GRM7: variants seen among roughly 807,000 people sequenced by gnomAD.
The protein encoded by GRM7 is metabotropic glutamate receptor 7.
Under a neutral mutation model 84.5 loss-of-function variants are expected in GRM7, and 35 were observed. That is an observed-to-expected ratio of 0.41 (90% CI 0.32 to 0.55). The LOEUF (loss-of-function observed/expected upper bound fraction) is 0.55, where lower values mean the gene tolerates loss of function less well. Ranked by LOEUF, GRM7 falls within the 20% of genes least tolerant of loss-of-function variation. The pLI is 0.19. For synonymous variants in GRM7, 487 were observed against 455.1 expected, an observed-to-expected ratio of 1.07 and a Z score of -0.89; for missense variants, 1,003 against 1,194.6, an observed-to-expected ratio of 0.84 and a Z score of 2.36.
chr3:7,421,154 T>G (rs563247144), intron 5 of GRM7, among the ~76,000 whole-genome samples: 1 of 152,216 alleles, frequency 6.6e-6, no homozygotes, highest in Non-Finnish European at 1.5e-5. Flanking sequence ...AAAGTTTATC[T>G]TCTTGTATTA....
At chr3:7,146,361 A>T in intron 1 of GRM7, 91 bp from the exon 2 acceptor site, 1 of 1,008,484 alleles carries the variant, frequency 9.9e-7, no homozygotes, top group Non-Finnish European at 1.6e-6. Flanking sequence ...TGCAGCTCAA[A>T]CCCTGTATTT....
chr3:7,540,057 T>A (rs1388418644), intron 7 of GRM7, among the ~76,000 whole-genome samples: 1 of 152,238 alleles, frequency 6.6e-6, no homozygotes, highest in Non-Finnish European at 1.5e-5. Context: ...AAGATCATGT[T>A]TTTAATCAAA....
chr3:7,459,673 C>T (rs1045124943), intron 6 of GRM7, among the ~76,000 whole-genome samples: 3 of 152,080 alleles, frequency 2.0e-5, no homozygotes, highest in Non-Finnish European at 2.9e-5. Flanking sequence ...AAACTGCCCG[C>T]ATGATTCAAT....
chr3:6,928,282 A>G lies in GRM7; in HGVS notation c.519+66375A>G, dbSNP rs1215795327. On this transcript the variant is annotated intron_variant, in intron 1 of 9. Transcript: ENST00000357716. The surrounding 1 kb of genome is among the most constrained non-coding windows in gnomAD (Gnocchi z 4.5). ...CCAGGTACTAAAAAATGCAGTTGTA[A>G]TGACTTGTTAACTTGTAGATATGAT... Among the ~76,000 whole-genome samples, 2 of 152,066 alleles carry G rather than the reference A, an allele frequency of 1.3e-5. No individual in the cohort carries two copies. Among genetic ancestry groups the G allele is most frequent in the Non-Finnish European group, 2.9e-5 (2 of 68,022 alleles).
At chr3:7,595,923 G>C (rs1351450613) in intron 8 of GRM7, among the ~76,000 whole-genome samples, 1 of 152,108 alleles carries the variant, frequency 6.6e-6, no homozygotes, top group Non-Finnish European at 1.5e-5. Flanking sequence ...GATGTCATTG[G>C]ATGATTTTGA....
At chr3:7,328,228 C>T (rs1331421196) in intron 4 of GRM7, among the ~76,000 whole-genome samples, 3 of 152,178 alleles carry the variant, frequency 2.0e-5, no homozygotes, top group East Asian at 1.9e-4. Context: ...TCTAACTCAT[C>T]GTCATGGCTT....
At chr3:6,918,514 G>T (rs1362840287) in intron 1 of GRM7, among the ~76,000 whole-genome samples, 2 of 152,160 alleles carry the variant, frequency 1.3e-5, no homozygotes, top group African/African-American at 4.8e-5. Flanking sequence ...CTTGGAGAAA[G>T]TTTCTTAACC....
chr3:7,714,216 G>GAT, intron 9 of GRM7, among the ~76,000 whole-genome samples: 1 of 152,102 alleles, frequency 6.6e-6, no homozygotes, highest in Non-Finnish European at 1.5e-5. Flanking sequence ...TGGGGGAGGA[G>GAT]ATATTTGCAC....
intron 9 of GRM7, among the ~76,000 whole-genome samples, chr3:7,730,152 C>T (rs576251648): frequency 7.9e-5 from 12 of 151,536 alleles, no homozygotes; most frequent in African/African-American, 2.2e-4. Flanking sequence ...GGATTACAGG[C>T]GCCCACCACC....
chr3:7,172,550 GC>G (rs61587256), intron 2 of GRM7, among the ~76,000 whole-genome samples: 229 of 65,872 alleles, frequency 3.5e-3, no homozygotes, highest in African/African-American at 9.6e-3. Context: ...CTTCCCCCCC[GC>G]CCCCCCCACA....
chr3:7,106,039 G>A (rs1411981272), intron 1 of GRM7, among the ~76,000 whole-genome samples: 3 of 151,548 alleles, frequency 2.0e-5, no homozygotes, highest in African/African-American at 7.3e-5. Context: ...AACTGTTGGG[G>A]GTACATAGAC....
intron 1 of GRM7, among the ~76,000 whole-genome samples, chr3:7,099,592 G>C (rs1699020680): frequency 7.2e-6 from 1 of 138,926 alleles, no homozygotes; most frequent in African/African-American, 2.7e-5. Context: ...ATATGTATAT[G>C]TACACGCATT....
At chr3:7,737,031 A>G (rs1293943918) in intron 9 of GRM7, among the ~76,000 whole-genome samples, 1 of 152,128 alleles carries the variant, frequency 6.6e-6, no homozygotes, top group East Asian at 1.9e-4. Flanking sequence ...TCTCTTTTCT[A>G]TATTTTTCTT....
chr3:7,374,886 G>T (rs886592636), intron 4 of GRM7, among the ~76,000 whole-genome samples: 1 of 152,070 alleles, frequency 6.6e-6, no homozygotes, highest in Non-Finnish European at 1.5e-5. Flanking sequence ...AGCTTTCTGA[G>T]TTTGTGACCT....
intron 7 of GRM7, among the ~76,000 whole-genome samples, chr3:7,564,694 C>A (rs1273096220): frequency 3.9e-5 from 6 of 152,202 alleles, no homozygotes; most frequent in African/African-American, 1.4e-4. Flanking sequence ...ACTGCCATGT[C>A]TCAGGCATCA....
chr3:7,338,447 A>G (rs956846119), intron 4 of GRM7, among the ~76,000 whole-genome samples: 6 of 152,154 alleles, frequency 3.9e-5, no homozygotes, highest in East Asian at 1.9e-4. Flanking sequence ...CCACTAAAGA[A>G]CTTATTCATG....
intron 7 of GRM7, among the ~76,000 whole-genome samples, chr3:7,485,925 T>G (rs1472608127): frequency 2.0e-5 from 3 of 152,136 alleles, no homozygotes; most frequent in African/African-American, 4.8e-5. Context: ...CCCCAGCAAT[T>G]AAAAAGTAGC....
intron 4 of GRM7, among the ~76,000 whole-genome samples, chr3:7,376,566 T>G (rs1373972349): frequency 6.6e-6 from 1 of 152,226 alleles, no homozygotes; most frequent in East Asian, 1.9e-4. Flanking sequence ...TCAGGGGCAC[T>G]CTAGACCAGA....
At chr3:7,647,703 G>A (rs187007410) in intron 8 of GRM7, among the ~76,000 whole-genome samples, 43 of 152,248 alleles carry the variant, frequency 2.8e-4, no homozygotes, top group Admixed American at 2.0e-4. Flanking sequence ...GGTTAAGTAG[G>A]CAGACTCAAG....
Sources: gnomAD v4.1 joint callset for allele counts (sites outside exome capture counted in the v4.1 genomes callset) on GRCh38, gnomAD v4.1.1 for gene constraint, Gnocchi (gnomAD v3.1) non-coding constraint, MANE v1.5 for transcripts, NCBI Gene and HGNC (gene_info 2026-07-23, HGNC 2026-07-21) for gene names.